JAK3: variants seen among roughly 807,000 people sequenced by gnomAD.
The protein encoded by JAK3 is tyrosine-protein kinase JAK3.
In JAK3, 88 loss-of-function variants were observed where a neutral mutation model predicts 120.8. The ratio of observed to expected loss-of-function variants is 0.73; its 90% CI spans 0.61 to 0.87. The LOEUF (loss-of-function observed/expected upper bound fraction) is 0.87. Ranked by LOEUF, JAK3 falls within the 40% of genes least tolerant of loss-of-function variation. The probability of loss-of-function intolerance (pLI) is 0.00; values close to 1 mark genes in which losing one functional copy is unlikely to be tolerated. For missense variants in JAK3, 1,254 were observed against 1,501.4 expected (o/e 0.84, Z 2.72); for synonymous variants, 592 against 628.6 (o/e 0.94, Z 0.87).
intron 17 of JAK3, 110 bp downstream of exon 17, chr19:17,834,461 C>T: frequency 8.1e-7 from 1 of 1,237,770 alleles, no homozygotes; most frequent in Non-Finnish European, 1.2e-6. Context: ...GTCACCAACC[C>T]CTCCAACCTC....
In JAK3 at chr19:17,831,147, G is replaced by C. The variant is rs1490696773; in HGVS notation, c.2978+81C>G. 2.0e-6 allele frequency: 3 copies of C among 1,477,710 alleles called. No homozygotes were observed. The highest frequency in any genetic ancestry group is 1.7e-5 in the Admixed American group (1 of 57,564). 91.5% of individuals were successfully genotyped at this position (1,477,710 alleles called of 1,614,324 possible). ...GGGGCTAAGGCTGGGGAGCAAAGCA[G>C]CGGGAGGGGGCGGGGGCATGGCTGG... is the stretch of plus-strand genomic sequence containing the variant. On this transcript the variant is annotated intron_variant, in intron 21 of 23. Transcript: ENST00000458235. The surrounding 1 kb of genome is among the most constrained non-coding windows in gnomAD (Gnocchi z 5.1).
Position 17,843,024 on chromosome 19 carries a change from C to T in JAK3, c.566+3G>A, listed in dbSNP as rs201454906. On this transcript the variant is annotated splice_donor_region_variant and intron_variant, in intron 5 of 23. Coordinates refer to ENST00000458235, the MANE Select transcript of JAK3 (RefSeq NM_000215.4). The surrounding 1 kb of genome is among the most constrained non-coding windows in gnomAD (Gnocchi z 5.4). ...GCCGTCCCCACAGCCTGGTGGCTCTCACCTGACAGTCTTCAGCAGCTCTCC... is the reference window on the plus strand; with the variant it reads ...GCCGTCCCCACAGCCTGGTGGCTCTTACCTGACAGTCTTCAGCAGCTCTCC... 6 of 1,610,118 alleles carry T rather than the reference C, an allele frequency of 3.7e-6. No individual in the cohort carries two copies. Among genetic ancestry groups the T allele is most frequent in the Non-Finnish European group, 4.2e-6 (5 of 1,179,920 alleles).
At position 17,841,480 on chromosome 19, in the gene JAK3, G is replaced by T; in HGVS notation, c.1051C>A (p.Leu351Met). ...AAGAAGTGCTGGGAGTCCGTGGTCA[G>T]CCGGAAGTAGCCGTCCACGAGCGCC... The part of the protein sequence containing the change: ...FVALVDGYFR[L>M]TTDSQHFFCK... The change falls in exon 8 of 24, where the codon CTG (leucine) becomes ATG (methionine). Residue 351 changes from leucine (L) to methionine (M), a missense_variant. By Grantham distance (15) the Leu-to-Met change is conservative. Coordinates refer to ENST00000458235, the MANE Select transcript of JAK3 (RefSeq NM_000215.4). The surrounding 1 kb of genome is among the most constrained non-coding windows in gnomAD (Gnocchi z 4.1). 6.4e-7 allele frequency: 1 copy of T among 1,564,162 alleles called. No individual in the cohort carries two copies.
At position 17,837,162 on chromosome 19, in the gene JAK3, C is replaced by G. The variant is rs199600889; in HGVS notation, c.1753G>C (p.Val585Leu). 17 of 1,566,484 alleles carry G rather than the reference C, an allele frequency of 1.1e-5. 1 individual carries two copies. The South Asian group carries it at 2.0e-4, about 18-fold the overall frequency. ...LMSQVSYRHLVLLHGVCMAGD... is the reference protein window; with the variant it reads ...LMSQVSYRHLLLLHGVCMAGD... ...GCCATGCACACGCCGTGGAGCAGCA[C>G]GAGATGCCGGTACGACACTTGGCTC... The change falls in exon 13 of 24, where the codon GTG (valine) becomes CTG (leucine). Residue 585 changes from valine (V) to leucine (L), a missense_variant. Coordinates refer to ENST00000458235, the MANE Select transcript of JAK3 (RefSeq NM_000215.4).
In JAK3 at chr19:17,835,196, T is replaced by C; in HGVS notation, c.1934A>G (p.His645Arg). Residue 645 changes from histidine to arginine, a missense_variant, in exon 15 of 24, where the codon CAT becomes CGT. His to Arg is a conservative substitution (Grantham distance 29). Around this residue, in one of 3 missense-constraint regions of JAK3, gnomAD observed 630 missense variants for 819.8 expected, o/e 0.77. Transcript: ENST00000458235. ...CACCTTCCGGGCAGAGACATTGCCA[T>C]GGGGCAGGCCTTTGTCCTCCTAAGG... ...LNYLEDKGLPHGNVSARKVLL... is the reference protein window; with the variant it reads ...LNYLEDKGLPRGNVSARKVLL... 1 of 1,614,138 alleles carries C rather than the reference T, an allele frequency of 6.2e-7. No homozygotes were observed. The highest frequency in any genetic ancestry group is 1.3e-5 in the African/African-American group (1 of 75,060).
Position 17,842,321 on chromosome 19 carries a change from G to C in JAK3, c.856C>G (p.Gln286Glu). The C allele has an allele frequency of 6.3e-7, 1 of 1,582,980 alleles. No individual in the cohort carries two copies. The highest frequency in any genetic ancestry group is 8.5e-7 in the Non-Finnish European group (1 of 1,170,658). The change falls in exon 6 of 24, where the codon CAG becomes GAG. Residue 286 changes from glutamine (Q) to glutamate (E), a missense_variant. Gln to Glu is a conservative substitution (Grantham distance 29). Around this residue, in one of 3 missense-constraint regions of JAK3, gnomAD observed 486 missense variants for 503.0 expected, o/e 0.97. Coordinates refer to ENST00000458235, the MANE Select transcript of JAK3 (RefSeq NM_000215.4). The surrounding 1 kb of genome is among the most constrained non-coding windows in gnomAD (Gnocchi z 6.4). ...GCGGGGGAGTCCGCCCTCACCTCCT[G>C]TTCTCCCTGGGTCCAGGCGATGCCG... ...DGGIAWTQGE[Q>E]EVLQPFCDFP...
At position 17,842,007 on chromosome 19, in the gene JAK3, C is replaced by A. The variant is rs1395942193; in HGVS notation, c.862-245G>T. Among the ~76,000 whole-genome samples the A allele has an allele frequency of 6.6e-6, 1 of 151,944 alleles. No homozygotes were observed. The highest frequency in any genetic ancestry group is 1.5e-5 in the Non-Finnish European group (1 of 67,990). On this transcript the variant is annotated intron_variant, in intron 6 of 23. Transcript: ENST00000458235. The surrounding 1 kb of genome is among the most constrained non-coding windows in gnomAD (Gnocchi z 6.4). ...CCGGACCCCGCCCCTTGATCCCTGCCCCGCTTCGCAGCCTCCCAGCTCTCG... is the reference window on the plus strand; with the variant it reads ...CCGGACCCCGCCCCTTGATCCCTGCACCGCTTCGCAGCCTCCCAGCTCTCG...
At chr19:17,838,211 G>T in intron 11 of JAK3, 52 bp downstream of exon 11, 1 of 1,613,270 alleles carries the variant, frequency 6.2e-7, no homozygotes, top group South Asian at 1.1e-5. Context: ...CCACGCATCT[G>T]AGTCTCTGGA....
In JAK3 at chr19:17,844,299, C is replaced by T. The variant is rs56384680; in HGVS notation, c.119G>A (p.Arg40His). 237 of 1,606,908 alleles carry T rather than the reference C, an allele frequency of 1.5e-4. No homozygotes were observed. The highest frequency in any genetic ancestry group is 2.1e-4 in the African/African-American group (16 of 74,866). ...GTGGTCCCCAAAGGAGAAAGATAGG[C>T]GCTGGGGGGGCCCGGGGCCCCGAGC... ...LPARGPGPPQ[R>H]LSFSFGDHLA... is the part of the protein sequence containing the mutation. The change falls in exon 2 of 24, where the codon CGC (arginine) becomes CAC (histidine). Residue 40 changes from arginine to histidine, a missense_variant. Coordinates refer to ENST00000458235, the MANE Select transcript of JAK3 (RefSeq NM_000215.4).
rs201371931 is a variant in JAK3, at chr19:17,837,196, C to A, written c.1719G>T (p.Ala573=). 2.5e-6 allele frequency: 4 copies of A among 1,570,308 alleles called. No homozygotes were observed. In the Admixed American group the frequency reaches 5.6e-5, roughly 22 times the overall value. The stretch of plus-strand genomic sequence containing the variant: ...GGTACGACACTTGGCTCATCAAGCT[C>A]GCTGCTTCCAGGAATGACTGGGGAA... ...KNCMESFLEA[A]SLMSQVSYRH... The change falls in exon 13 of 24, where the codon GCG becomes GCT. Residue 573 remains alanine (A), a synonymous_variant. Coordinates refer to ENST00000458235, the MANE Select transcript of JAK3 (RefSeq NM_000215.4).
chr19:17,846,920 C>T (rs1425793099), intron 1 of JAK3, among the ~76,000 whole-genome samples: 2 of 150,930 alleles, frequency 1.3e-5, no homozygotes, highest in East Asian at 1.9e-4. Context: ...GGGGGGAGGA[C>T]GGATTCTTGT....
chr19:17,842,855 T>A lies in JAK3; in HGVS notation c.566+172A>T. 1.0e-6 allele frequency: 1 copy of A among 975,964 alleles called. No individual in the cohort carries two copies. The highest frequency in any genetic ancestry group is 1.5e-6 in the Non-Finnish European group (1 of 646,496). 60.5% of individuals were successfully genotyped at this position (975,964 alleles called of 1,614,324 possible). On this transcript the variant is annotated intron_variant, in intron 5 of 23. Coordinates refer to ENST00000458235, the MANE Select transcript of JAK3 (RefSeq NM_000215.4). This position sits in a 1 kb window ranked among gnomAD's most constrained non-coding sequence, Gnocchi z 6.4. ...TTAGCTGGGGGAGGTCAGGTGTCTGTCCAGCTGGAGCCTGGGGGTGGAGAG... is the reference window on the plus strand; with the variant it reads ...TTAGCTGGGGGAGGTCAGGTGTCTGACCAGCTGGAGCCTGGGGGTGGAGAG...
chr19:17,838,725 T>C (rs2094230474), intron 10 of JAK3, among the ~76,000 whole-genome samples: 1 of 139,990 alleles, frequency 7.1e-6, no homozygotes, highest in African/African-American at 2.6e-5. Context: ...TTTTTTTTTT[T>C]TTTTTTTTGA....
At chr19:17,830,262 T>C (rs1290433035) in intron 22 of JAK3, 44 bp from the exon 23 acceptor site, 1 of 1,024,854 alleles carries the variant, frequency 9.8e-7, no homozygotes, top group Non-Finnish European at 1.3e-6. Flanking sequence ...GGAGCCTCCG[T>C]GGGTGGAGGG....
rs572139474 is a variant in JAK3, at chr19:17,826,236, T to A, written c.*507A>T. On this transcript the variant is annotated 3_prime_UTR_variant, in exon 24 of 24. Coordinates refer to ENST00000458235, the MANE Select transcript of JAK3 (RefSeq NM_000215.4). ...TCATCTCTATTAAAAATAAAAAAAA[T>A]TAGCCGGGTGTGGTGGTGCACACCT... 3.1e-4 allele frequency: 52 copies of A among 167,922 alleles called. No individual in the cohort carries two copies. The East Asian group carries it at 6.3e-3, about 20-fold the overall frequency. The allele number at this position is 167,922 out of a possible 1,614,324, so 10.4% of individuals were successfully genotyped here.
Position 17,825,671 on chromosome 19 carries a change from A to G in JAK3, c.*1072T>C, listed in dbSNP as rs924573835. ...AATCCCAGCACTTTGGGAGGCCGAG[A>G]CGGGCAGATCACGAGGTCAGGAGAT... On this transcript the variant is annotated 3_prime_UTR_variant, in exon 24 of 24. Transcript: ENST00000458235. 37 of 173,302 alleles carry G rather than the reference A, an allele frequency of 2.1e-4. No homozygotes were observed. In the East Asian group the frequency reaches 3.7e-3, roughly 18 times the overall value. The allele number at this position is 173,302 out of a possible 1,614,324, so 10.7% of individuals were successfully genotyped here.
intron 13 of JAK3, chr19:17,836,597 C>A: frequency 2.8e-6 from 1 of 360,550 alleles, no homozygotes; most frequent in Non-Finnish European, 5.2e-6. Flanking sequence ...TAACCCTTTG[C>A]ATATTCTGTG....
In JAK3 at chr19:17,839,628, G is replaced by A. The variant is rs1464769693; in HGVS notation, c.1290C>T (p.Ile430=). 1.9e-6 allele frequency: 3 copies of A among 1,612,020 alleles called. No homozygotes were observed. The highest frequency in any genetic ancestry group is 2.2e-5 in the East Asian group (1 of 44,852). The part of the protein sequence containing the change: ...PLGPDYKGCL[I]RRSPTGTFLL... ...GGAAGGTTCCTGTGGGGCTGCGCCG[G>A]ATGAGGCAGCCCTTATAATCAGGAC... is the stretch of plus-strand genomic sequence containing the variant. Residue 430 remains isoleucine (I), a synonymous_variant, in exon 10 of 24, where the codon ATC becomes ATT. Transcript: ENST00000458235.
Position 17,841,478 on chromosome 19 carries a change from C to A in JAK3, c.1053G>T (p.Leu351=). ...AGAAGAAGTGCTGGGAGTCCGTGGT[C>A]AGCCGGAAGTAGCCGTCCACGAGCG... ...FVALVDGYFR[L]TTDSQHFFCK... is the part of the protein sequence containing the mutation. The change falls in exon 8 of 24, where the codon CTG becomes CTT. Residue 351 remains leucine (L), a synonymous_variant. Coordinates refer to ENST00000458235, the MANE Select transcript of JAK3 (RefSeq NM_000215.4). This position sits in a 1 kb window ranked among gnomAD's most constrained non-coding sequence, Gnocchi z 4.1. The A allele has an allele frequency of 6.4e-7, 1 of 1,563,808 alleles. No individual in the cohort carries two copies. Among genetic ancestry groups the A allele is most frequent in the Non-Finnish European group, 8.7e-7 (1 of 1,153,960 alleles).
Sources: gnomAD v4.1 joint callset for allele counts (sites outside exome capture counted in the v4.1 genomes callset) on GRCh38, gnomAD v4.1.1 for gene constraint, gnomAD v4.1.1 regional missense constraint, Gnocchi (gnomAD v3.1) non-coding constraint, MANE v1.5 for transcripts, NCBI Gene and HGNC (gene_info 2026-07-23, HGNC 2026-07-21) for gene names.